The following VPS13B variants were observed in gnomAD, a reference collection of about 807,000 sequenced individuals.
The protein encoded by VPS13B is vacuolar protein sorting 13 homolog B, also known as intermembrane lipid transfer protein VPS13B.
VPS13B carries 285 observed loss-of-function variants against 426.4 expected under a neutral mutation model. The ratio of observed to expected loss-of-function variants is 0.67; its 90% confidence interval spans 0.61 to 0.74. The LOEUF (loss-of-function observed/expected upper bound fraction) is 0.74, where lower values mean the gene tolerates loss of function less well. Among genes scored for constraint, VPS13B ranks in the 30% least tolerant of loss-of-function variants. The pLI is 0.00. For missense variants in VPS13B, 4,537 were observed against 4,782.6 expected (o/e 0.95, Z 1.51); for synonymous variants, 1,676 against 1,676.4 (o/e 1.00, Z 0.01).
intron 33 of VPS13B, among the ~76,000 whole-genome samples, chr8:99,583,018 G>A (rs767496650): frequency 1.3e-5 from 2 of 152,046 alleles, no homozygotes; most frequent in African/African-American, 4.8e-5. Flanking sequence ...TCTCACTAAC[G>A]CACACCCCAT....
intron 19 of VPS13B, among the ~76,000 whole-genome samples, chr8:99,321,655 A>G (rs1209842027): frequency 6.6e-6 from 1 of 152,214 alleles, no homozygotes; most frequent in Non-Finnish European, 1.5e-5. Context: ...CATCAGAGAA[A>G]TGATTTATTC....
intron 43 of VPS13B, among the ~76,000 whole-genome samples, chr8:99,795,238 C>A (rs1032576609): frequency 2.0e-5 from 3 of 152,182 alleles, no homozygotes; most frequent in Non-Finnish European, 2.9e-5. Flanking sequence ...TTTCTACTTT[C>A]CATGTTACTG....
At chr8:99,474,954 A>G (rs755639620) in intron 24 of VPS13B, among the ~76,000 whole-genome samples, 2 of 152,174 alleles carry the variant, frequency 1.3e-5, no homozygotes, top group African/African-American at 2.4e-5. Flanking sequence ...GTTTATCATC[A>G]GGTGAATTAG....
At chr8:99,188,430 A>C (rs1813344779) in intron 16 of VPS13B, among the ~76,000 whole-genome samples, 1 of 152,204 alleles carries the variant, frequency 6.6e-6, no homozygotes, top group Admixed American at 6.5e-5. Flanking sequence ...TTTATCACTG[A>C]ATAATATTCC....
At chr8:99,348,506 G>A (rs892113227) in intron 19 of VPS13B, among the ~76,000 whole-genome samples, 120 of 152,306 alleles carry the variant, frequency 7.9e-4, no homozygotes, top group African/African-American at 2.6e-3. Context: ...CCTCTGCAGT[G>A]CTAAACATCA....
chr8:99,044,072 T>C (rs892863687), intron 3 of VPS13B, among the ~76,000 whole-genome samples: 2 of 141,256 alleles, frequency 1.4e-5, no homozygotes, highest in South Asian at 4.6e-4. Context: ...TTCTTTTTTT[T>C]TTTCTTTCTT....
At chr8:99,668,804 G>C (rs1014917399) in intron 35 of VPS13B, among the ~76,000 whole-genome samples, 3 of 152,144 alleles carry the variant, frequency 2.0e-5, no homozygotes, top group Admixed American at 2.0e-4. Flanking sequence ...AACCATTGCA[G>C]TTCGGCAATC....
At chr8:99,620,229 C>T (rs1461878175) in intron 33 of VPS13B, among the ~76,000 whole-genome samples, 3 of 152,128 alleles carry the variant, frequency 2.0e-5, no homozygotes, top group Admixed American at 6.5e-5. Context: ...GAGGGTGACT[C>T]AAGAGAACTA....
At chr8:99,619,486 A>G (rs1405861468) in intron 33 of VPS13B, among the ~76,000 whole-genome samples, 3 of 152,174 alleles carry the variant, frequency 2.0e-5, no homozygotes, top group African/African-American at 7.2e-5. Flanking sequence ...TTGATGTAAG[A>G]CTAGCTTTTA....
At chr8:99,612,118 A>G (rs1459665485) in intron 33 of VPS13B, among the ~76,000 whole-genome samples, 1 of 152,110 alleles carries the variant, frequency 6.6e-6, no homozygotes, top group Non-Finnish European at 1.5e-5. Flanking sequence ...CCCAGATTTT[A>G]TGTCTAAAGT....
chr8:99,422,825 C>CT (rs1816448401), intron 21 of VPS13B, among the ~76,000 whole-genome samples: 1 of 152,182 alleles, frequency 6.6e-6, no homozygotes, highest in African/African-American at 2.4e-5. Context: ...GAGGTACTCT[C>CT]TCACAGGCTT....
intron 43 of VPS13B, among the ~76,000 whole-genome samples, chr8:99,807,949 A>C (rs980313210): frequency 2.0e-5 from 3 of 151,650 alleles, no homozygotes; most frequent in Non-Finnish European, 4.4e-5. Context: ...TTTTAAATTT[A>C]AGCATGTTAT....
At chr8:99,018,444 A>T (rs1392304871) in intron 2 of VPS13B, among the ~76,000 whole-genome samples, 2 of 152,242 alleles carry the variant, frequency 1.3e-5, no homozygotes, top group African/African-American at 4.8e-5. Context: ...TACAGGAAAT[A>T]AAATCAATTT....
chr8:99,044,873 C>G (rs1003632072), intron 3 of VPS13B, among the ~76,000 whole-genome samples: 20 of 150,182 alleles, frequency 1.3e-4, no homozygotes, highest in African/African-American at 4.9e-4. Flanking sequence ...CACACACACA[C>G]ACACACACAC....
intron 39 of VPS13B, among the ~76,000 whole-genome samples, chr8:99,765,986 G>C (rs1212481430): frequency 6.7e-6 from 1 of 149,386 alleles, no homozygotes; most frequent in African/African-American, 2.5e-5. Context: ...GACCCACTTT[G>C]GTTTTACCAA....
At chr8:99,828,078 A>T (rs188074975) in intron 51 of VPS13B, among the ~76,000 whole-genome samples, 2 of 152,176 alleles carry the variant, frequency 1.3e-5, no homozygotes, top group Non-Finnish European at 2.9e-5. Flanking sequence ...AGTTCTGTAG[A>T]TGTCTATTAG....
intron 30 of VPS13B, among the ~76,000 whole-genome samples, chr8:99,544,409 C>G (rs973904492): frequency 1.3e-5 from 2 of 152,006 alleles, no homozygotes; most frequent in African/African-American, 4.8e-5. Flanking sequence ...CACATGTATA[C>G]ATATGTAACT....
intron 53 of VPS13B, 56 bp from the exon 54 acceptor site, chr8:99,835,483 C>A: frequency 6.4e-7 from 1 of 1,566,378 alleles, no homozygotes; most frequent in Non-Finnish European, 8.8e-7. Flanking sequence ...ATGTTCTGTC[C>A]CCCAAGTCTC....
At chr8:99,106,450 A>AC (rs1201427938) in intron 5 of VPS13B, among the ~76,000 whole-genome samples, 2 of 150,646 alleles carry the variant, frequency 1.3e-5, no homozygotes, top group Non-Finnish European at 3.0e-5. Flanking sequence ...AAAAAAAAAA[A>AC]AAAACCCAAA....
Sources: gnomAD v4.1 joint callset for allele counts (sites outside exome capture counted in the v4.1 genomes callset) on GRCh38, gnomAD v4.1.1 for gene constraint, MANE v1.5 for transcripts, NCBI Gene and HGNC (gene_info 2026-07-23, HGNC 2026-07-21) for gene names.